The following SEMA4F variants were observed in gnomAD, a reference collection of about 807,000 sequenced individuals.
SEMA4F encodes ssemaphorin 4F.
Under a neutral mutation model 78.4 loss-of-function variants are expected in SEMA4F, and 51 were observed. The observed-to-expected ratio is 0.65, with a 90% CI of 0.52 to 0.82. SEMA4F has a LOEUF of 0.82. Among genes scored for constraint, SEMA4F ranks in the 40% least tolerant of loss-of-function variants. The pLI is 0.00. For synonymous variants in SEMA4F, 418 were observed against 408.7 expected (o/e 1.02, Z -0.27); for missense variants, 938 against 1,014.4 (o/e 0.92, Z 1.02).
In SEMA4F at chr2:74,679,074, T is replaced by C. The variant is rs543654206; in HGVS notation, c.1644-202T>C. 1.1e-4 allele frequency among the ~76,000 whole-genome samples: 17 copies of C among 152,322 alleles called. No individual in the cohort carries two copies. In the South Asian group the frequency reaches 2.9e-3, roughly 26 times the overall value. On this transcript the variant is annotated intron_variant, in intron 12 of 13. Transcript: ENST00000357877. ...GGTCTGCTAGAAAGATGCATGGAAC[T>C]TGATATGGCAAATGAAATGTCATGA...
In SEMA4F at chr2:74,675,000, G is replaced by C; in HGVS notation, c.1114G>C (p.Val372Leu). Residue 372 changes from valine (V) to leucine (L), a missense_variant, in exon 9 of 14, where the codon GTG becomes CTG. Coordinates refer to ENST00000357877, the MANE Select transcript of SEMA4F (RefSeq NM_004263.5). ...KHDCNRGLPV[V>L]DNDVPQPRPG... ...TGACTGCAACAGAGGACTGCCTGTC[G>C]TGGACAATGATGTGCCCCAGCCCAG... 1 of 1,614,004 alleles carries C rather than the reference G, an allele frequency of 6.2e-7. No individual in the cohort carries two copies. Among genetic ancestry groups the C allele is most frequent in the Non-Finnish European group, 8.5e-7 (1 of 1,179,994 alleles).
chr2:74,680,027 A>G lies in SEMA4F; in HGVS notation c.2131A>G (p.Ser711Gly), dbSNP rs772616280. The G allele has an allele frequency of 8.7e-6, 14 of 1,614,072 alleles. No homozygotes were observed. Among genetic ancestry groups the G allele is most frequent in the Non-Finnish European group, 1.2e-5 (14 of 1,180,008 alleles). Residue 711 changes from serine (S) to glycine (G), a missense_variant, in exon 14 of 14, where the codon AGC becomes GGC. Transcript: ENST00000357877. The stretch of plus-strand genomic sequence containing the variant: ...GGGGGCTCCACCTTCTGGGACCACA[A>G]GCTACAGCCAAGACCCTCCCTCCCC... ...DLGAPPSGTT[S>G]YSQDPPSPSP...
At chr2:74,664,306 T>A (rs981633698) in intron 5 of SEMA4F, among the ~76,000 whole-genome samples, 1 of 152,242 alleles carries the variant, frequency 6.6e-6, no homozygotes, top group Non-Finnish European at 1.5e-5. Context: ...AAAAATTCAT[T>A]GTAAAGATAA....
chr2:74,684,009 G>A (rs1685751797), downstream of SEMA4F, among the ~76,000 whole-genome samples: 1 of 151,790 alleles, frequency 6.6e-6, no homozygotes, highest in Admixed American at 6.6e-5. Context: ...TCAAAATGAA[G>A]AAAGAGGACT....
At chr2:74,656,440 G>A in intron 1 of SEMA4F, 94 bp from the exon 2 acceptor site, 2 of 1,310,276 alleles carry the variant, frequency 1.5e-6, no homozygotes, top group African/African-American at 1.5e-5. Context: ...AATGGTACTT[G>A]GAAGAAAACA....
rs573461599 is a variant in SEMA4F at position 74,683,116 on chromosome 2, A to C, written c.*2907A>C. On this transcript the variant is annotated 3_prime_UTR_variant, in exon 14 of 14. Coordinates refer to ENST00000357877, the MANE Select transcript of SEMA4F (RefSeq NM_004263.5). ...CTCGATGACAGTCATTTCTGTGTCT[A>C]TGTGTCTTATTATACCTTATTAAAA... is the stretch of plus-strand genomic sequence containing the variant. The C allele has an allele frequency of 6.6e-6, 1 of 152,330 alleles. No individual in the cohort carries two copies. The highest frequency in any genetic ancestry group is 2.1e-4 in the South Asian group (1 of 4,824). 9.4% of individuals were successfully genotyped at this position (152,330 alleles called of 1,614,324 possible). A position where few individuals can be genotyped will look rare whatever the true frequency, so the allele number is the denominator to read the frequency against.
chr2:74,662,619 T>G (rs573912585), intron 4 of SEMA4F, 113 bp from the exon 5 acceptor site: 1 of 836,110 alleles, frequency 1.2e-6, no homozygotes, highest in Admixed American at 1.7e-5. Flanking sequence ...GGGTAGGGAG[T>G]GGAAGGGGAG....
the SEMA4F span, among the ~76,000 whole-genome samples, chr2:74,704,814 G>A: frequency 2.6e-5 from 4 of 152,074 alleles, no homozygotes; most frequent in Non-Finnish European, 5.9e-5. Flanking sequence ...CTCCAAACCC[G>A]GCCCCATAAT....
chr2:74,654,273 C>A lies in SEMA4F; in HGVS notation c.-104C>A. On this transcript the variant is annotated 5_prime_UTR_variant, in exon 1 of 14. Coordinates refer to ENST00000357877, the MANE Select transcript of SEMA4F (RefSeq NM_004263.5). The stretch of plus-strand genomic sequence containing the variant: ...TTTCATCCCTCAGCCTCAGGCTGAG[C>A]CGGACCGAGCCGAGAGGACCCGAGT... 1 of 1,302,056 alleles carries A rather than the reference C, an allele frequency of 7.7e-7. No homozygotes were observed. The highest frequency in any genetic ancestry group is 9.9e-7 in the Non-Finnish European group (1 of 1,010,994). The allele number at this position is 1,302,056 out of a possible 1,614,324, so 80.7% of individuals were successfully genotyped here.
At chr2:74,673,980 G>T in intron 7 of SEMA4F, 152 bp downstream of exon 7, 1 of 940,292 alleles carries the variant, frequency 1.1e-6, no homozygotes. Context: ...AGGAATGTGA[G>T]AGAGAGGCTC....
In SEMA4F at chr2:74,654,260, G is replaced by A; in HGVS notation, c.-117G>A. 8.1e-7 allele frequency: 1 copy of A among 1,231,510 alleles called. No homozygotes were observed. Among genetic ancestry groups the A allele is most frequent in the Non-Finnish European group, 1.1e-6 (1 of 949,608 alleles). 76.3% of individuals were successfully genotyped at this position (1,231,510 alleles called of 1,614,324 possible). A position where few individuals can be genotyped will look rare whatever the true frequency, so the allele number is the denominator to read the frequency against. On this transcript the variant is annotated 5_prime_UTR_variant, in exon 1 of 14. Transcript: ENST00000357877. ...GAGCCGGGCGGTGTTTCATCCCTCAGCCTCAGGCTGAGCCGGACCGAGCCG... is the reference window on the plus strand; with the variant it reads ...GAGCCGGGCGGTGTTTCATCCCTCAACCTCAGGCTGAGCCGGACCGAGCCG...
the SEMA4F span, among the ~76,000 whole-genome samples, chr2:74,702,575 G>A: frequency 1.3e-5 from 2 of 152,142 alleles, no homozygotes; most frequent in Admixed American, 6.5e-5. Context: ...CTGCAAGGGA[G>A]GGAAGATCAA....
rs1479926921 is a variant in SEMA4F, at chr2:74,658,089, A to G, written c.456+138A>G. 1.3e-6 allele frequency: 1 copy of G among 749,600 alleles called. No individual in the cohort carries two copies. The highest frequency in any genetic ancestry group is 2.3e-6 in the Non-Finnish European group (1 of 432,036). The allele number at this position is 749,600 out of a possible 1,614,324, so 46.4% of individuals were successfully genotyped here. On this transcript the variant is annotated intron_variant, in intron 4 of 13. Transcript: ENST00000357877. The surrounding 1 kb of genome is among the most constrained non-coding windows in gnomAD (Gnocchi z 4.3). ...GGTCAAGGCAACCATTGTGCATGATAAGCATTGGGTGTAGGGGCTGTCCTC... is the reference window on the plus strand; with the variant it reads ...GGTCAAGGCAACCATTGTGCATGATGAGCATTGGGTGTAGGGGCTGTCCTC...
Position 74,654,294 on chromosome 2 carries a change from C to T in SEMA4F, c.-83C>T, listed in dbSNP as rs1160263553. ...TGAGCCGGACCGAGCCGAGAGGACC[C>T]GAGTGGGGCCGAGGCCAGTAGCCCC... On this transcript the variant is annotated 5_prime_UTR_variant, in exon 1 of 14. Coordinates refer to ENST00000357877, the MANE Select transcript of SEMA4F (RefSeq NM_004263.5). 1 of 1,355,986 alleles carries T rather than the reference C, an allele frequency of 7.4e-7. No homozygotes were observed. The highest frequency in any genetic ancestry group is 9.5e-7 in the Non-Finnish European group (1 of 1,057,656). The allele number at this position is 1,355,986 out of a possible 1,614,324, so 84.0% of individuals were successfully genotyped here.
At chr2:74,685,091 C>T (rs931389637), downstream of SEMA4F, among the ~76,000 whole-genome samples, 3 of 152,182 alleles carry the variant, frequency 2.0e-5, no homozygotes, top group Non-Finnish European at 4.4e-5. Flanking sequence ...CACTCATAAT[C>T]TCACTCATCC....
At chr2:74,704,987 C>T in the SEMA4F span, among the ~76,000 whole-genome samples, 3 of 152,204 alleles carry the variant, frequency 2.0e-5, no homozygotes, top group Admixed American at 2.0e-4. Flanking sequence ...ATCATATTCT[C>T]TTCATGACCA....
Position 74,673,769 on chromosome 2 carries a change from T to G in SEMA4F, c.763T>G (p.Ser255Ala), listed in dbSNP as rs1685114863. 1.2e-6 allele frequency: 2 copies of G among 1,614,202 alleles called. No individual in the cohort carries two copies. The highest frequency in any genetic ancestry group is 1.7e-6 in the Non-Finnish European group (2 of 1,180,042). The change falls in exon 7 of 14, where the codon TCC (serine) becomes GCC (alanine). Residue 255 changes from serine to alanine, a missense_variant. By Grantham distance (99) the Ser-to-Ala change is moderately conservative. Transcript: ENST00000357877. ...AATCTACTTCTTCTTTACGGAGACT[T>G]CCCGAGCATTTGACTCATACGAGCG... ...DEIYFFFTET[S>A]RAFDSYERIK...
intron 2 of SEMA4F, among the ~76,000 whole-genome samples, chr2:74,657,169 C>T (rs1048212568): frequency 2.0e-5 from 3 of 152,138 alleles, no homozygotes; most frequent in Non-Finnish European, 4.4e-5. Context: ...GATGCTCAAC[C>T]AGTATGTATT....
the SEMA4F span, among the ~76,000 whole-genome samples, chr2:74,691,261 T>C: frequency 6.6e-6 from 1 of 152,244 alleles, no homozygotes. Flanking sequence ...CTCTGAGAAC[T>C]GCAGTACAAA....
Sources: allele counts gnomAD v4.1 joint callset (sites outside exome capture counted in the v4.1 genomes callset), GRCh38; gene constraint gnomAD v4.1.1; non-coding constraint Gnocchi (gnomAD v3.1); transcripts MANE v1.5; gene names NCBI Gene and HGNC (gene_info 2026-07-23, HGNC 2026-07-21).